AATF: variants seen among roughly 807,000 people sequenced by gnomAD.
AATF encodes the protein apoptosis antagonizing transcription factor.
Under a neutral mutation model 63.7 loss-of-function variants are expected in AATF, and 48 were observed. That is an observed-to-expected ratio of 0.75 (90% confidence interval 0.60 to 0.96). The LOEUF (loss-of-function observed/expected upper bound fraction) is 0.96, where lower values mean the gene tolerates loss of function less well. Ranked by LOEUF, AATF falls within the 40% of genes least tolerant of loss-of-function variation. The probability of loss-of-function intolerance (pLI) is 0.00; values close to 1 mark genes in which losing one functional copy is unlikely to be tolerated. For missense variants in AATF, 639 were observed against 685.7 expected (o/e 0.93, Z 0.76); for synonymous variants, 258 against 247.7 (o/e 1.04, Z -0.39).
chr17:36,989,102 T>G (rs868421477), intron 6 of AATF, 145 bp from the exon 7 acceptor site: 4 of 940,698 alleles, frequency 4.3e-6, no homozygotes, highest in Non-Finnish European at 4.7e-6. Context: ...TTATAGCCAC[T>G]CACAAACTCA....
At chr17:37,033,013 T>C (rs1422756243) in intron 11 of AATF, among the ~76,000 whole-genome samples, 1 of 152,168 alleles carries the variant, frequency 6.6e-6, no homozygotes, top group Admixed American at 6.5e-5. Flanking sequence ...TATTTTAGAG[T>C]ATTTTGTTTG....
intron 8 of AATF, among the ~76,000 whole-genome samples, chr17:37,001,766 CAAGACAAG>C (rs1393383196): frequency 1.3e-5 from 2 of 152,238 alleles, no homozygotes; most frequent in Non-Finnish European, 2.9e-5. Context: ...AGATTAGGAA[CAAGACAAG>C]GATGTCTGCT....
Position 36,952,959 on chromosome 17 carries a change from G to A in AATF, c.357G>A (p.Glu119=). Reference sequence around the variant, plus strand: ...GACTGGGTCTGGAGGAATATGATGAGGACGACCTGGGTGCTGCTGAGGAAC... The same window carrying A: ...GACTGGGTCTGGAGGAATATGATGAAGACGACCTGGGTGCTGCTGAGGAAC... ...SEGLGLEEYD[E]DDLGAAEEQE... The change falls in exon 3 of 12, where the codon GAG becomes GAA. Residue 119 remains glutamate, a synonymous_variant. Transcript: ENST00000619387. The A allele has an allele frequency of 6.2e-7, 1 of 1,614,146 alleles. No homozygotes were observed. Among genetic ancestry groups the A allele is most frequent in the Non-Finnish European group, 8.5e-7 (1 of 1,180,032 alleles).
chr17:36,957,509 G>C, intron 4 of AATF, among the ~76,000 whole-genome samples: 1 of 152,190 alleles, frequency 6.6e-6, no homozygotes, highest in East Asian at 1.9e-4. Context: ...GTTCTGGAAA[G>C]TGTTATAGTT....
intron 4 of AATF, among the ~76,000 whole-genome samples, chr17:36,976,955 G>C (rs2071084229): frequency 6.6e-6 from 1 of 152,290 alleles, no homozygotes; most frequent in African/African-American, 2.4e-5. Context: ...ATGGTTTTGA[G>C]ACACTCTAAG....
At chr17:36,962,425 A>G (rs1181164004) in intron 4 of AATF, among the ~76,000 whole-genome samples, 1 of 152,214 alleles carries the variant, frequency 6.6e-6, no homozygotes, top group African/African-American at 2.4e-5. Flanking sequence ...CCCTAAGAGT[A>G]TAAGCCCTAA....
chr17:36,994,865 G>T (rs1338094814), intron 8 of AATF, among the ~76,000 whole-genome samples: 1 of 152,216 alleles, frequency 6.6e-6, no homozygotes, highest in African/African-American at 2.4e-5. Flanking sequence ...CTAGTGGCGT[G>T]CCAGTCCCTG....
chr17:37,037,611 A>G (rs2142308709), intron 11 of AATF, among the ~76,000 whole-genome samples: 1 of 152,336 alleles, frequency 6.6e-6, no homozygotes, highest in South Asian at 2.1e-4. Flanking sequence ...TGTGACCATT[A>G]AACATGCTAT....
At chr17:36,956,092 T>C (rs140837931) in intron 4 of AATF, among the ~76,000 whole-genome samples, 2 of 152,306 alleles carry the variant, frequency 1.3e-5, no homozygotes, top group Admixed American at 1.3e-4. Flanking sequence ...CACTGCAGTG[T>C]TATTTAACTT....
At chr17:36,990,101 T>C (rs974662304) in intron 7 of AATF, among the ~76,000 whole-genome samples, 15 of 147,078 alleles carry the variant, frequency 1.0e-4, no homozygotes, top group African/African-American at 3.4e-4. Flanking sequence ...CAAATATATA[T>C]GTATAAATAT....
At chr17:37,052,373 G>C (rs2142330866) in intron 11 of AATF, 1 of 152,416 alleles carries the variant, frequency 6.6e-6, no homozygotes, top group East Asian at 1.9e-4. Context: ...GTGGAAGGCG[G>C]TCTGGCCCTC....
intron 8 of AATF, 21 bp from the exon 9 acceptor site, chr17:37,018,983 GT>G: frequency 6.2e-7 from 1 of 1,607,562 alleles, no homozygotes; most frequent in Non-Finnish European, 8.5e-7. Flanking sequence ...AAATAAATTC[GT>G]TGCTTTCCTT....
intron 10 of AATF, among the ~76,000 whole-genome samples, chr17:37,026,529 CT>C (rs1173302866): frequency 2.0e-5 from 3 of 152,216 alleles, no homozygotes; most frequent in Non-Finnish European, 4.4e-5. Flanking sequence ...TGAAAGCTGA[CT>C]TTTCCATTTC....
intron 11 of AATF, among the ~76,000 whole-genome samples, chr17:37,039,333 A>T (rs1281033908): frequency 6.6e-6 from 1 of 152,226 alleles, no homozygotes; most frequent in African/African-American, 2.4e-5. Context: ...AGGTGAGACA[A>T]GCCCAGGCAA....
At chr17:37,046,201 G>A (rs1241933401) in intron 11 of AATF, among the ~76,000 whole-genome samples, 1 of 152,118 alleles carries the variant, frequency 6.6e-6, no homozygotes, top group East Asian at 1.9e-4. Context: ...TGGTAGCTTG[G>A]GTGTCAGAAG....
At chr17:36,969,495 C>T (rs1342590078) in intron 4 of AATF, among the ~76,000 whole-genome samples, 1 of 152,134 alleles carries the variant, frequency 6.6e-6, no homozygotes, top group African/African-American at 2.4e-5. Context: ...CTTTGATCTC[C>T]TTTTCTAGAG....
intron 11 of AATF, among the ~76,000 whole-genome samples, chr17:37,042,385 T>G (rs1412307935): frequency 1.3e-5 from 2 of 151,900 alleles, no homozygotes; most frequent in African/African-American, 4.8e-5. Context: ...CTACTGCCTC[T>G]TTTTTTGAGT....
intron 8 of AATF, among the ~76,000 whole-genome samples, chr17:37,005,619 T>C (rs559175239): frequency 6.6e-6 from 1 of 152,164 alleles, no homozygotes; most frequent in Non-Finnish European, 1.5e-5. Flanking sequence ...AAATGACATA[T>C]AGTAAAAGAA....
intron 10 of AATF, among the ~76,000 whole-genome samples, chr17:37,030,064 A>G (rs1406133311): frequency 6.6e-6 from 1 of 150,668 alleles, no homozygotes; most frequent in Non-Finnish European, 1.5e-5. Context: ...TACCTTTTGT[A>G]TTACTTTTTT....
Sources: gnomAD v4.1 joint callset for allele counts (sites outside exome capture counted in the v4.1 genomes callset) on GRCh38, gnomAD v4.1.1 for gene constraint, MANE v1.5 for transcripts, NCBI Gene and HGNC (gene_info 2026-07-23, HGNC 2026-07-21) for gene names.